The following OIT3 variants were observed in gnomAD, a reference collection of about 807,000 sequenced individuals.
OIT3 encodes oncoprotein-induced transcript 3 protein.
In OIT3, 41 loss-of-function variants were observed where a neutral mutation model predicts 52.2. The ratio of observed to expected loss-of-function variants is 0.79; its 90% confidence interval spans 0.61 to 1.02. The LOEUF (loss-of-function observed/expected upper bound fraction) is 1.02. Ranked by LOEUF, OIT3 falls within the 50% of genes least tolerant of loss-of-function variation. OIT3 has a pLI of 0.00. For synonymous variants in OIT3, 244 were observed against 276.9 expected (o/e 0.88, Z 1.18); for missense variants, 634 against 715.5 (o/e 0.89, Z 1.30).
At chr10:72,918,473 C>A in intron 6 of OIT3, 2 of 1,133,672 alleles carry the variant, frequency 1.8e-6, no homozygotes, top group Non-Finnish European at 2.6e-6. Flanking sequence ...CCTTAATTCA[C>A]AACCAAAAAG....
intron 6 of OIT3, among the ~76,000 whole-genome samples, chr10:72,923,765 G>A (rs972605409): frequency 2.6e-5 from 4 of 152,208 alleles, no homozygotes; most frequent in East Asian, 1.9e-4. Flanking sequence ...CTTTCCTAGA[G>A]TAGGTATGCC....
At chr10:72,931,804 G>T (rs1195431480) in intron 8 of OIT3, among the ~76,000 whole-genome samples, 1 of 152,138 alleles carries the variant, frequency 6.6e-6, no homozygotes, top group Non-Finnish European at 1.5e-5. Flanking sequence ...AGTTGAAGAG[G>T]CCAACATTCT....
At chr10:72,911,419 C>T (rs1043465582) in intron 4 of OIT3, among the ~76,000 whole-genome samples, 2 of 152,142 alleles carry the variant, frequency 1.3e-5, no homozygotes, top group Admixed American at 1.3e-4. Context: ...GGTCCTAGTC[C>T]TAAAAACTCA....
At chr10:72,899,706 TA>T (rs1445188502) in intron 2 of OIT3, among the ~76,000 whole-genome samples, 444 of 18,848 alleles carry the variant, frequency 0.024, 2 homozygotes, top group African/African-American at 0.077. Flanking sequence ...AGATAGATGA[TA>T]GATAGATAGA....
At chr10:72,905,560 T>G (rs2132930826) in intron 3 of OIT3, among the ~76,000 whole-genome samples, 1 of 152,264 alleles carries the variant, frequency 6.6e-6, no homozygotes, top group South Asian at 2.1e-4. Flanking sequence ...GAGCACTTTT[T>G]CAAATGCTCC....
intron 4 of OIT3, among the ~76,000 whole-genome samples, chr10:72,908,528 C>T (rs147439068): frequency 2.0e-3 from 304 of 152,142 alleles, no homozygotes; most frequent in African/African-American, 7.1e-3. Flanking sequence ...AACTGAGAGA[C>T]CATTAACCAG....
intron 4 of OIT3, among the ~76,000 whole-genome samples, chr10:72,910,968 A>G (rs1377082174): frequency 6.6e-6 from 1 of 152,226 alleles, no homozygotes; most frequent in Non-Finnish European, 1.5e-5. Flanking sequence ...GATAATGTCC[A>G]AGTCCCACAA....
chr10:72,922,107 C>G (rs1222568837), intron 6 of OIT3, among the ~76,000 whole-genome samples: 1 of 152,090 alleles, frequency 6.6e-6, no homozygotes, highest in Admixed American at 6.5e-5. Flanking sequence ...CTCTGGCTGC[C>G]CTTAACATGT....
intron 6 of OIT3, among the ~76,000 whole-genome samples, chr10:72,919,782 A>G (rs953076479): frequency 1.3e-5 from 2 of 152,178 alleles, no homozygotes; most frequent in Non-Finnish European, 2.9e-5. Context: ...CCAATCTTGC[A>G]TCCTGGGGAT....
intron 7 of OIT3, among the ~76,000 whole-genome samples, chr10:72,929,575 T>C (rs993835931): frequency 4.3e-5 from 6 of 138,842 alleles, no homozygotes; most frequent in African/African-American, 1.6e-4. Flanking sequence ...CACACTTGAC[T>C]TTTTTTTTTT....
chr10:72,907,488 G>A (rs577189513), intron 4 of OIT3, among the ~76,000 whole-genome samples: 4 of 152,262 alleles, frequency 2.6e-5, no homozygotes, highest in Non-Finnish European at 4.4e-5. Flanking sequence ...ACCACTGGCC[G>A]ACAGCTGTGT....
intron 6 of OIT3, among the ~76,000 whole-genome samples, chr10:72,914,800 G>A (rs1846059742): frequency 6.6e-6 from 1 of 152,154 alleles, no homozygotes; most frequent in African/African-American, 2.4e-5. Context: ...ATTCTGCATA[G>A]ATCAGGTATT....
chr10:72,923,439 A>G (rs1406269480), intron 6 of OIT3, among the ~76,000 whole-genome samples: 1 of 152,162 alleles, frequency 6.6e-6, no homozygotes, highest in African/African-American at 2.4e-5. Context: ...CAGGAAGAAA[A>G]GGATCAGGGA....
chr10:72,909,117 CTTTTTTTTTTTT>C (rs35778299), intron 4 of OIT3, among the ~76,000 whole-genome samples: 1 of 111,764 alleles, frequency 8.9e-6, no homozygotes, highest in South Asian at 2.9e-4. Flanking sequence ...TTCCCAGTGT[CTTTTTTTTTTTT>C]TTTTTTTTGA....
intron 7 of OIT3, among the ~76,000 whole-genome samples, chr10:72,927,221 C>T (rs1389509607): frequency 6.6e-6 from 1 of 152,162 alleles, no homozygotes; most frequent in Non-Finnish European, 1.5e-5. Flanking sequence ...TCCCCTGCAA[C>T]CTCTGCCTCC....
chr10:72,909,117 CTT>C (rs35778299), intron 4 of OIT3, among the ~76,000 whole-genome samples: 96 of 111,708 alleles, frequency 8.6e-4, no homozygotes, highest in Middle Eastern at 5.3e-3. Flanking sequence ...TTCCCAGTGT[CTT>C]TTTTTTTTTT....
At chr10:72,894,979 A>G (rs187043162) in intron 1 of OIT3, among the ~76,000 whole-genome samples, 5 of 152,318 alleles carry the variant, frequency 3.3e-5, no homozygotes, top group African/African-American at 9.6e-5. Flanking sequence ...ACAGAAAGAT[A>G]TGGGTGGAAA....
At position 72,898,797 on chromosome 10, in the gene OIT3, G is replaced by A. The variant is rs1845899633; in HGVS notation, c.195G>A (p.Met65Ile). The A allele has an allele frequency of 6.2e-7, 1 of 1,614,032 alleles. No individual in the cohort carries two copies. The highest frequency in any genetic ancestry group is 1.7e-5 in the Admixed American group (1 of 59,998). Residue 65 changes from methionine to isoleucine, a missense_variant, in exon 2 of 9, where the codon ATG (methionine) becomes ATA (isoleucine). Coordinates refer to ENST00000334011, the MANE Select transcript of OIT3 (RefSeq NM_152635.3). ...GGGAGTGGTACCACTTCACGGGCAT[G>A]GCGGGAGATGCCATGCCTACCTTCT... The part of the protein sequence containing the change: ...VNGEWYHFTG[M>I]AGDAMPTFCI...
At chr10:72,899,455 C>T (rs748938267) in intron 2 of OIT3, among the ~76,000 whole-genome samples, 2 of 151,838 alleles carry the variant, frequency 1.3e-5, no homozygotes, top group Non-Finnish European at 2.9e-5. Flanking sequence ...ATTAGACAGG[C>T]GTGGTGGCAG....
Sources: gnomAD v4.1 joint callset for allele counts (sites outside exome capture counted in the v4.1 genomes callset) on GRCh38, gnomAD v4.1.1 for gene constraint, MANE v1.5 for transcripts, NCBI Gene and HGNC (gene_info 2026-07-23, HGNC 2026-07-21) for gene names.